The following CNTN5 variants were observed in gnomAD, a reference collection of about 807,000 sequenced individuals.
The protein encoded by CNTN5 is contactin 5.
In CNTN5, 77 loss-of-function variants were observed where a neutral mutation model predicts 129.1. The observed-to-expected ratio is 0.60, with a 90% confidence interval of 0.50 to 0.72. CNTN5 has a LOEUF of 0.72. Ranked by LOEUF, CNTN5 falls within the 30% of genes least tolerant of loss-of-function variation. The probability of loss-of-function intolerance (pLI) is 0.00; values close to 1 mark genes in which losing one functional copy is unlikely to be tolerated. For synonymous variants in CNTN5, 509 were observed against 465.6 expected, an observed-to-expected ratio of 1.09 and a Z score of -1.20; for missense variants, 1,478 against 1,328.8, an observed-to-expected ratio of 1.11 and a Z score of -1.75.
At chr11:99,557,660 T>A (rs1290300847) in intron 3 of CNTN5, among the ~76,000 whole-genome samples, 1 of 151,690 alleles carries the variant, frequency 6.6e-6, no homozygotes, top group Non-Finnish European at 1.5e-5. Flanking sequence ...ATACTATTAT[T>A]ACTATTCGTA....
chr11:100,333,763 C>T (rs1229878456), intron 21 of CNTN5, among the ~76,000 whole-genome samples: 3 of 152,258 alleles, frequency 2.0e-5, no homozygotes, highest in African/African-American at 7.2e-5. Flanking sequence ...CCTCATCTCT[C>T]ACCTTATACA....
At chr11:99,113,350 C>T (rs189812499) in intron 1 of CNTN5, among the ~76,000 whole-genome samples, 9 of 152,082 alleles carry the variant, frequency 5.9e-5, no homozygotes, top group African/African-American at 1.7e-4. Flanking sequence ...GTCTTGAAAG[C>T]AGGACCTAAG....
chr11:99,881,381 G>A (rs927912864), intron 6 of CNTN5, among the ~76,000 whole-genome samples: 1 of 152,162 alleles, frequency 6.6e-6, no homozygotes, highest in South Asian at 2.1e-4. Flanking sequence ...AATGTTTTTA[G>A]TTCCTTATGA....
chr11:99,537,788 G>A (rs572094449), intron 2 of CNTN5, among the ~76,000 whole-genome samples: 27 of 152,242 alleles, frequency 1.8e-4, no homozygotes, highest in South Asian at 1.0e-3. Flanking sequence ...ACAGTACCCC[G>A]TGGACACGAT....
At chr11:100,222,656 TAAAA>T in intron 15 of CNTN5, among the ~76,000 whole-genome samples, 1 of 143,740 alleles carries the variant, frequency 7.0e-6, no homozygotes, top group East Asian at 2.0e-4. Flanking sequence ...AGCAAGCAAA[TAAAA>T]AAAAAAGCCA....
chr11:99,203,834 G>C lies in CNTN5; in HGVS notation c.-209-121512G>C, dbSNP rs185125754. ...ACTAGTCTTGAACTCCTGACCTCAG[G>C]TGATCCACCCGACTCAGCCTCCCAA... On this transcript the variant is annotated intron_variant, in intron 1 of 24. Coordinates refer to ENST00000524871, the MANE Select transcript of CNTN5 (RefSeq NM_014361.4). 1.2e-3 allele frequency among the ~76,000 whole-genome samples: 186 copies of C among 152,168 alleles called. 1 individual carries two copies. Among genetic ancestry groups the C allele is most frequent in the African/African-American group, 4.3e-3 (180 of 41,500 alleles).
chr11:99,210,790 C>CT (rs2135668064), intron 1 of CNTN5, among the ~76,000 whole-genome samples: 1 of 152,074 alleles, frequency 6.6e-6, no homozygotes, highest in East Asian at 1.9e-4. Context: ...TTTTGTTTTG[C>CT]TTTTTTCTGG....
At chr11:99,940,534 G>A (rs1307268546) in intron 7 of CNTN5, among the ~76,000 whole-genome samples, 2 of 152,010 alleles carry the variant, frequency 1.3e-5, no homozygotes, top group Non-Finnish European at 2.9e-5. Context: ...GTTTATTTAG[G>A]TACAGTATTA....
chr11:99,851,205 G>A (rs933548853), intron 6 of CNTN5, among the ~76,000 whole-genome samples: 1 of 152,020 alleles, frequency 6.6e-6, no homozygotes, highest in Admixed American at 6.6e-5. Context: ...ACTTAGTTTA[G>A]CATTAATAAA....
chr11:99,175,159 A>G (rs982408683), intron 1 of CNTN5, among the ~76,000 whole-genome samples: 1 of 152,150 alleles, frequency 6.6e-6, no homozygotes, highest in African/African-American at 2.4e-5. Context: ...GCTTGAGCCC[A>G]GGAGCTCAAG....
rs773180654 is a variant in CNTN5, at chr11:100,257,914, G to A, written c.2164+1996G>A. On this transcript the variant is annotated intron_variant, in intron 17 of 24. Coordinates refer to ENST00000524871, the MANE Select transcript of CNTN5 (RefSeq NM_014361.4). ...AAGGATCACAACTCCTCGCCAGCAAGGGAACAAAACTGGACGGAGAATGAA... is the reference window on the plus strand; with the variant it reads ...AAGGATCACAACTCCTCGCCAGCAAAGGAACAAAACTGGACGGAGAATGAA... 3.3e-5 allele frequency among the ~76,000 whole-genome samples: 5 copies of A among 152,226 alleles called. No individual in the cohort carries two copies. In the East Asian group the frequency reaches 9.7e-4, roughly 29 times the overall value.
intron 8 of CNTN5, among the ~76,000 whole-genome samples, chr11:99,991,747 T>TTG (rs1939113680): frequency 1.5e-5 from 2 of 135,640 alleles, no homozygotes; most frequent in South Asian, 2.4e-4. Context: ...CATGCAGGTT[T>TTG]GTTTGTTTGT....
intron 4 of CNTN5, among the ~76,000 whole-genome samples, chr11:99,825,897 A>C (rs536432981): frequency 4.1e-4 from 62 of 152,244 alleles, no homozygotes; most frequent in African/African-American, 1.4e-3. Flanking sequence ...TCAAAAGAAA[A>C]TATAATATAG....
chr11:99,556,195 G>C lies in CNTN5; in HGVS notation c.-20G>C. On this transcript the variant is annotated 5_prime_UTR_variant, in exon 3 of 25. Transcript: ENST00000524871. ...GAGCTGTTAAACACATTGAGACACA[G>C]AAGATTCTAGTGACTGAGGATGGCT... 6.8e-7 allele frequency: 1 copy of C among 1,472,354 alleles called. No homozygotes were observed. Among genetic ancestry groups the C allele is most frequent in the Non-Finnish European group, 9.2e-7 (1 of 1,090,626 alleles). The allele number at this position is 1,472,354 out of a possible 1,614,324, so 91.2% of individuals were successfully genotyped here. A position where few individuals can be genotyped will look rare whatever the true frequency, so the allele number is the denominator to read the frequency against.
At chr11:99,317,768 A>C (rs1220562220) in intron 1 of CNTN5, among the ~76,000 whole-genome samples, 3 of 152,056 alleles carry the variant, frequency 2.0e-5, no homozygotes, top group African/African-American at 7.2e-5. Flanking sequence ...AAACATAATA[A>C]ATTTTCTAAA....
At chr11:100,134,287 A>G (rs1030701796) in intron 13 of CNTN5, among the ~76,000 whole-genome samples, 1 of 152,222 alleles carries the variant, frequency 6.6e-6, no homozygotes, top group East Asian at 1.9e-4. Flanking sequence ...ACCCTTGAGG[A>G]TGTGCTTACA....
At chr11:99,732,727 G>T (rs1030538839) in intron 3 of CNTN5, among the ~76,000 whole-genome samples, 3 of 152,046 alleles carry the variant, frequency 2.0e-5, no homozygotes, top group Non-Finnish European at 4.4e-5. Context: ...TATGTAAAGT[G>T]GGAATCACTG....
intron 2 of CNTN5, among the ~76,000 whole-genome samples, chr11:99,466,949 A>G (rs1360158278): frequency 6.6e-6 from 1 of 152,180 alleles, no homozygotes; most frequent in Non-Finnish European, 1.5e-5. Flanking sequence ...GAAATGGGAG[A>G]TACAGATTTC....
intron 2 of CNTN5, among the ~76,000 whole-genome samples, chr11:99,553,965 T>TATAC (rs1948578640): frequency 6.8e-6 from 1 of 146,016 alleles, no homozygotes; most frequent in African/African-American, 2.5e-5. Context: ...TGAAAATGAA[T>TATAC]ACACACACAC....
Sources: allele counts gnomAD v4.1 joint callset (sites outside exome capture counted in the v4.1 genomes callset), GRCh38; gene constraint gnomAD v4.1.1; transcripts MANE v1.5; gene names NCBI Gene and HGNC (gene_info 2026-07-23, HGNC 2026-07-21).